PDE4B: variants seen among roughly 807,000 people sequenced by gnomAD.
PDE4B encodes the protein phosphodiesterase 4B.
Under a neutral mutation model 82.2 loss-of-function variants are expected in PDE4B, and 20 were observed. That is an observed-to-expected ratio of 0.24 (90% confidence interval 0.17 to 0.35). PDE4B has a LOEUF of 0.35. Ranked by LOEUF, PDE4B falls within the 10% of genes least tolerant of loss-of-function variation. The pLI, the probability that PDE4B is intolerant of heterozygous loss-of-function variation, is 1.00. For synonymous variants in PDE4B, 320 were observed against 318.9 expected (o/e 1.00, Z -0.04); for missense variants, 655 against 907.2 (o/e 0.72, Z 3.57).
chr1:66,101,372 G>A (rs1464604474), intron 3 of PDE4B, among the ~76,000 whole-genome samples: 1 of 152,152 alleles, frequency 6.6e-6, no homozygotes, highest in African/African-American at 2.4e-5. Flanking sequence ...GGGTCAAATG[G>A]TATTTCTAGT....
At chr1:66,012,441 G>C (rs989079530) in intron 3 of PDE4B, among the ~76,000 whole-genome samples, 2 of 151,934 alleles carry the variant, frequency 1.3e-5, no homozygotes, top group African/African-American at 4.8e-5. Context: ...TTTGTTTTTT[G>C]CTTTTGTGTT....
At chr1:65,799,839 C>G (rs764541885) in intron 1 of PDE4B, among the ~76,000 whole-genome samples, 7 of 152,188 alleles carry the variant, frequency 4.6e-5, no homozygotes, top group Non-Finnish European at 8.8e-5. Context: ...AGTGCTTGCT[C>G]TCTCCTCCCC....
intron 8 of PDE4B, among the ~76,000 whole-genome samples, chr1:66,342,861 C>T (rs1256683433): frequency 2.0e-5 from 3 of 151,994 alleles, no homozygotes; most frequent in Non-Finnish European, 4.4e-5. Context: ...CTGGCCAACA[C>T]GGAGAAACCC....
At chr1:65,998,230 A>G (rs1377038527) in intron 3 of PDE4B, among the ~76,000 whole-genome samples, 1 of 152,210 alleles carries the variant, frequency 6.6e-6, no homozygotes, top group Non-Finnish European at 1.5e-5. Flanking sequence ...GTTTACACAG[A>G]AAATAAACAG....
intron 3 of PDE4B, among the ~76,000 whole-genome samples, chr1:66,010,021 A>C (rs1652396305): frequency 6.6e-6 from 1 of 151,960 alleles, no homozygotes; most frequent in African/African-American, 2.4e-5. Context: ...AATCTCCATG[A>C]AGACAAAGAA....
chr1:66,046,494 C>T (rs1354117736), intron 3 of PDE4B, among the ~76,000 whole-genome samples: 9 of 151,720 alleles, frequency 5.9e-5, no homozygotes, highest in Admixed American at 4.6e-4. Context: ...TATCTCCCAA[C>T]GTGAAGAAAT....
chr1:66,303,141 G>A (rs575565015), intron 7 of PDE4B, among the ~76,000 whole-genome samples: 26 of 152,168 alleles, frequency 1.7e-4, no homozygotes, highest in African/African-American at 6.3e-4. Context: ...ACAACACCTT[G>A]AACAGTAGAC....
chr1:66,331,781 G>A (rs758748684), intron 7 of PDE4B: 62 of 985,286 alleles, frequency 6.3e-5, no homozygotes, highest in Non-Finnish European at 7.0e-5. Context: ...GGACTCCCAG[G>A]CCAATAAACG....
intron 3 of PDE4B, among the ~76,000 whole-genome samples, chr1:65,944,985 A>T (rs992082037): frequency 6.6e-6 from 1 of 152,020 alleles, no homozygotes; most frequent in African/African-American, 2.4e-5. Flanking sequence ...TATCCTGATC[A>T]TCAAGGAAAG....
At chr1:66,263,035 C>T (rs940046371) in intron 6 of PDE4B, among the ~76,000 whole-genome samples, 2 of 152,190 alleles carry the variant, frequency 1.3e-5, no homozygotes, top group African/African-American at 4.8e-5. Flanking sequence ...TATTAAAATG[C>T]ATTATTAATC....
intron 3 of PDE4B, among the ~76,000 whole-genome samples, chr1:66,175,114 G>T (rs1358239511): frequency 6.6e-6 from 1 of 152,220 alleles, no homozygotes; most frequent in Admixed American, 6.5e-5. Flanking sequence ...TTCTAGATGA[G>T]ATTTGTGTGG....
At position 65,954,660 on chromosome 1, in the gene PDE4B, A is replaced by G. The variant is rs537640862; in HGVS notation, c.281+35825A>G. On this transcript the variant is annotated intron_variant, in intron 3 of 16. Coordinates refer to ENST00000341517, the MANE Select transcript of PDE4B (RefSeq NM_002600.4). ...TTTCTTTTTTCCCCCAATCTTTTCA[A>G]TGGTGAAATATTAGAAGAAAATTTT... is the stretch of plus-strand genomic sequence containing the variant. 2.1e-4 allele frequency among the ~76,000 whole-genome samples: 32 copies of G among 152,148 alleles called. No homozygotes were observed. The East Asian group carries it at 6.0e-3, about 29-fold the overall frequency.
chr1:66,021,570 G>C (rs1653116769), intron 3 of PDE4B, among the ~76,000 whole-genome samples: 1 of 152,150 alleles, frequency 6.6e-6, no homozygotes, highest in African/African-American at 2.4e-5. Flanking sequence ...TTATTAAATA[G>C]GGAATCCTTT....
At chr1:66,347,462 T>C (rs1235080837) in intron 8 of PDE4B, among the ~76,000 whole-genome samples, 1 of 152,228 alleles carries the variant, frequency 6.6e-6, no homozygotes, top group African/African-American at 2.4e-5. Context: ...ATACTCTAGC[T>C]TAGGGATTAC....
chr1:65,918,750 C>T lies in PDE4B; in HGVS notation c.196C>T (p.Pro66Ser). 6.2e-7 allele frequency: 1 copy of T among 1,613,990 alleles called. No homozygotes were observed. Among genetic ancestry groups the T allele is most frequent in the South Asian group, 1.1e-5 (1 of 91,080 alleles). Reference sequence around the variant, plus strand: ...AAGACAGAGTGAAAGGGCAAGGACTCCTGAGGGAGATGGTATTTCCAGGCC... The same window carrying T: ...AAGACAGAGTGAAAGGGCAAGGACTTCTGAGGGAGATGGTATTTCCAGGCC... The part of the protein sequence containing the change: ...SQRQSERART[P>S]EGDGISRPTT... The change falls in exon 3 of 17, where the codon CCT becomes TCT. Residue 66 changes from proline (P) to serine (S), a missense_variant. Coordinates refer to ENST00000341517, the MANE Select transcript of PDE4B (RefSeq NM_002600.4).
intron 3 of PDE4B, among the ~76,000 whole-genome samples, chr1:66,014,905 G>C (rs1418238915): frequency 6.6e-6 from 1 of 152,178 alleles, no homozygotes. Context: ...CCCTGGCCTA[G>C]AGTATAGGGA....
At chr1:65,959,781 A>C (rs1649454187) in intron 3 of PDE4B, among the ~76,000 whole-genome samples, 1 of 152,148 alleles carries the variant, frequency 6.6e-6, no homozygotes, top group Non-Finnish European at 1.5e-5. Context: ...CCTCACCATC[A>C]ACAGCAAAAC....
chr1:65,913,093 C>A lies in PDE4B; in HGVS notation c.-70-152C>A, dbSNP rs556640825. ...TTAATATTTTGTGAAGCTCTTTTCT[C>A]AGCATATCAAACTTAATTGGCTTGG... On this transcript the variant is annotated intron_variant, in intron 1 of 16. Coordinates refer to ENST00000341517, the MANE Select transcript of PDE4B (RefSeq NM_002600.4). 9.6e-4 allele frequency among the ~76,000 whole-genome samples: 146 copies of A among 152,254 alleles called. 2 individuals are homozygous for A. The South Asian group carries it at 0.03, about 31-fold the overall frequency.
intron 8 of PDE4B, chr1:66,354,865 T>C (rs1323356557): frequency 1.3e-6 from 2 of 1,535,756 alleles, no homozygotes; most frequent in Admixed American, 3.9e-5. Flanking sequence ...GGCAAATTAT[T>C]TGTTATCTGT....
Sources: gnomAD v4.1 joint callset for allele counts (sites outside exome capture counted in the v4.1 genomes callset) on GRCh38, gnomAD v4.1.1 for gene constraint, MANE v1.5 for transcripts, NCBI Gene and HGNC (gene_info 2026-07-23, HGNC 2026-07-21) for gene names.